Variants in EVI5 observed in about 807,000 individuals in gnomAD.
EVI5 encodes the protein ecotropic viral integration site 5 protein homolog.
EVI5 carries 73 observed loss-of-function variants against 112.0 expected under a neutral mutation model. The observed-to-expected ratio is 0.65, with a 90% CI of 0.54 to 0.79. The LOEUF is 0.79. EVI5 is among the 30% of genes least tolerant of loss of function. The pLI is 0.00. For synonymous variants in EVI5, 305 were observed against 319.9 expected (o/e 0.95, Z 0.50); for missense variants, 900 against 968.8 (o/e 0.93, Z 0.94).
intron 2 of EVI5, among the ~76,000 whole-genome samples, chr1:92,725,939 A>G (rs1012586002): frequency 3.3e-5 from 5 of 152,198 alleles, no homozygotes; most frequent in South Asian, 2.1e-4. Flanking sequence ...AGATAAAACT[A>G]TAACACAATG....
In EVI5 at chr1:92,697,792, T is replaced by C. The variant is rs1670541655; in HGVS notation, c.765+68A>G. 5 of 1,295,222 alleles carry C rather than the reference T, an allele frequency of 3.9e-6. 1 individual carries two copies. Among genetic ancestry groups the C allele is most frequent in the Admixed American group, 4.1e-5 (2 of 48,398 alleles). The allele number at this position is 1,295,222 out of a possible 1,614,324, so 80.2% of individuals were successfully genotyped here. A position where few individuals can be genotyped will look rare whatever the true frequency, so the allele number is the denominator to read the frequency against. ...TGCTTTTAACATTAAATTTGCTTAG[T>C]TGGCACTCAGAACAAGATATAAAAA... On this transcript the variant is annotated intron_variant, in intron 6 of 19. Coordinates refer to ENST00000684568, the MANE Select transcript of EVI5 (RefSeq NM_001350197.2).
intron 1 of EVI5, among the ~76,000 whole-genome samples, chr1:92,759,780 T>G (rs1681519864): frequency 6.6e-6 from 1 of 152,164 alleles, no homozygotes; most frequent in Non-Finnish European, 1.5e-5. Flanking sequence ...TCAAGGTTCA[T>G]CCATGTTGTA....
chr1:92,573,389 A>G (rs983528015), intron 18 of EVI5, among the ~76,000 whole-genome samples: 1 of 152,144 alleles, frequency 6.6e-6, no homozygotes, highest in Non-Finnish European at 1.5e-5. Context: ...TTCTATGTAT[A>G]TGCTAATAAT....
At chr1:92,746,766 G>A (rs534371225) in intron 1 of EVI5, among the ~76,000 whole-genome samples, 15 of 152,018 alleles carry the variant, frequency 9.9e-5, no homozygotes, top group South Asian at 4.2e-4. Context: ...GCATGGTGGC[G>A]TGTGTCTGTG....
chr1:92,556,791 T>G (rs937666955), intron 19 of EVI5, among the ~76,000 whole-genome samples: 2 of 152,084 alleles, frequency 1.3e-5, no homozygotes, highest in African/African-American at 4.8e-5. Flanking sequence ...TTAAGGAATA[T>G]TCACATAATT....
intron 1 of EVI5, among the ~76,000 whole-genome samples, chr1:92,738,150 G>C (rs1351795238): frequency 1.3e-5 from 2 of 152,134 alleles, no homozygotes; most frequent in African/African-American, 4.8e-5. Context: ...GGCCGTATAG[G>C]AACCAAATAA....
intron 1 of EVI5, among the ~76,000 whole-genome samples, chr1:92,772,467 G>C (rs959348719): frequency 6.6e-6 from 1 of 151,880 alleles, no homozygotes; most frequent in Non-Finnish European, 1.5e-5. Context: ...TTGGTGGCGG[G>C]TGCCTGTAAT....
intron 19 of EVI5, among the ~76,000 whole-genome samples, chr1:92,562,098 G>C (rs1668729018): frequency 1.3e-5 from 2 of 152,144 alleles, no homozygotes; most frequent in African/African-American, 4.8e-5. Context: ...TAAATGGGAG[G>C]TTGCTTTATT....
At chr1:92,555,415 T>C (rs1667522024) in intron 19 of EVI5, among the ~76,000 whole-genome samples, 1 of 152,216 alleles carries the variant, frequency 6.6e-6, no homozygotes, top group African/African-American at 2.4e-5. Flanking sequence ...TATTTCTGTT[T>C]CTAGAAGTAG....
intron 12 of EVI5, 73 bp from the exon 13 acceptor site, chr1:92,662,938 GTTAT>G (rs1263322455): frequency 3.7e-5 from 23 of 623,826 alleles, no homozygotes; most frequent in African/African-American, 3.1e-4. Flanking sequence ...GTGAGGTTTA[GTTAT>G]TTACTTTGAC....
In EVI5 at chr1:92,633,399, T is replaced by C. The variant is rs532652274; in HGVS notation, c.1527+2803A>G. ...TATTTAGGATAGTTAGCTCTTCTTG[T>C]TGAATTGATCCCTTTACCATTATGT... On this transcript the variant is annotated intron_variant, in intron 14 of 19. Coordinates refer to ENST00000684568, the MANE Select transcript of EVI5 (RefSeq NM_001350197.2). Among the ~76,000 whole-genome samples, 4 of 152,362 alleles carry C rather than the reference T, an allele frequency of 2.6e-5. No individual in the cohort carries two copies. In the South Asian group the frequency reaches 8.3e-4, roughly 32 times the overall value.
intron 18 of EVI5, among the ~76,000 whole-genome samples, chr1:92,598,540 G>C (rs1345511762): frequency 2.0e-5 from 3 of 152,272 alleles, no homozygotes; most frequent in East Asian, 1.9e-4. Flanking sequence ...TTAATAAAGT[G>C]AGATGAGTAC....
At chr1:92,557,774 G>A (rs1220130493) in intron 19 of EVI5, among the ~76,000 whole-genome samples, 1 of 151,784 alleles carries the variant, frequency 6.6e-6, no homozygotes, top group Non-Finnish European at 1.5e-5. Flanking sequence ...GCCCAGGCTG[G>A]GGTGCAGTGG....
At chr1:92,714,127 A>G in intron 2 of EVI5, 1 of 982,944 alleles carries the variant, frequency 1.0e-6, no homozygotes, top group African/African-American at 1.7e-5. Context: ...ACTTTCATCA[A>G]ATAGATCTTT....
chr1:92,785,394 G>A (rs1030402332), upstream of EVI5, among the ~76,000 whole-genome samples: 2 of 152,226 alleles, frequency 1.3e-5, no homozygotes, highest in Non-Finnish European at 2.9e-5. Flanking sequence ...CCCGAGCTTA[G>A]GACTGCAGGC....
intron 19 of EVI5, among the ~76,000 whole-genome samples, chr1:92,559,920 A>C (rs562189849): frequency 6.6e-6 from 1 of 152,260 alleles, no homozygotes; most frequent in African/African-American, 2.4e-5. Flanking sequence ...TGTTCTATAT[A>C]CTGGGGGAAA....
intron 2 of EVI5, among the ~76,000 whole-genome samples, chr1:92,724,203 C>G (rs1223678221): frequency 6.6e-6 from 1 of 152,068 alleles, no homozygotes; most frequent in African/African-American, 2.4e-5. Context: ...GCTGGTTTTG[C>G]AGCTCGGGGT....
intron 14 of EVI5, among the ~76,000 whole-genome samples, chr1:92,626,645 T>C (rs766482929): frequency 3.3e-5 from 5 of 152,170 alleles, no homozygotes; most frequent in Admixed American, 6.5e-5. Context: ...TCACTAGCAA[T>C]GTATGAGGGG....
chr1:92,680,615 C>T (rs1667427320), intron 9 of EVI5, among the ~76,000 whole-genome samples: 1 of 152,114 alleles, frequency 6.6e-6, no homozygotes, highest in Non-Finnish European at 1.5e-5. Context: ...CTCAAAGTAG[C>T]CTGCCACAAA....
Sources: allele counts gnomAD v4.1 joint callset (sites outside exome capture counted in the v4.1 genomes callset), GRCh38; gene constraint gnomAD v4.1.1; transcripts MANE v1.5; gene names NCBI Gene and HGNC (gene_info 2026-07-23, HGNC 2026-07-21).